The following ZNF436 variants were observed in gnomAD, a reference collection of about 807,000 sequenced individuals.
ZNF436 encodes the protein DNA-binding protein.
In ZNF436, 22 loss-of-function variants were observed where a neutral mutation model predicts 41.9. The observed-to-expected ratio is 0.53, with a 90% CI of 0.38 to 0.75. The LOEUF (loss-of-function observed/expected upper bound fraction) is 0.75, where lower values mean the gene tolerates loss of function less well. ZNF436 is among the 30% of genes least tolerant of loss of function. The pLI is 0.00. For synonymous variants in ZNF436, 217 were observed against 197.8 expected (o/e 1.10, Z -0.82); for missense variants, 506 against 587.3 (o/e 0.86, Z 1.43).
chr1:23,367,528 T>C (rs588641), intron 2 of ZNF436, among the ~76,000 whole-genome samples: 142,891 of 152,254 alleles, frequency 0.94, 67,125 homozygotes, highest in African/African-American at 0.96. Context: ...GCTGCAGTAC[T>C]AACTGTTCTT....
At position 23,362,255 on chromosome 1, in the gene ZNF436, T is replaced by C; in HGVS notation, c.1127A>G (p.His376Arg). ...ACGKSFSRSS[H>R]LITHQKIHTG... ...GTGAATTTTCTGGTGTGTGATGAGA[T>C]GAGAGCTCCGGCTGAAGCTTTTCCC... Residue 376 changes from histidine to arginine, a missense_variant, in exon 4 of 4, where the codon CAT becomes CGT. Transcript: ENST00000314011. 2 of 1,614,254 alleles carry C rather than the reference T, an allele frequency of 1.2e-6. No individual in the cohort carries two copies. Among genetic ancestry groups the C allele is most frequent in the Non-Finnish European group, 1.7e-6 (2 of 1,180,036 alleles).
Position 23,363,179 on chromosome 1 carries a change from T to C in ZNF436, c.203A>G (p.Glu68Gly). The C allele has an allele frequency of 6.2e-7, 1 of 1,613,840 alleles. No homozygotes were observed. The highest frequency in any genetic ancestry group is 8.5e-7 in the Non-Finnish European group (1 of 1,179,994). ...CCCAAATTGTACATCTTCACTAATC[T>C]CTTGCTTGGGATTTACCTCGTTCTC... ...RSENEVNPKQ[E>G]ISEDVQFGTT... The change falls in exon 4 of 4, where the codon GAG (glutamate) becomes GGG (glycine). Residue 68 changes from glutamate (E) to glycine (G), a missense_variant. By Grantham distance (98) the Glu-to-Gly change is moderately conservative (BLOSUM62 -2). Transcript: ENST00000314011.
rs1162092614 is a variant in ZNF436, at chr1:23,362,153, C to T, written c.1229G>A (p.Arg410Lys). 1 of 1,614,086 alleles carries T rather than the reference C, an allele frequency of 6.2e-7. No individual in the cohort carries two copies. Among genetic ancestry groups the T allele is most frequent in the Non-Finnish European group, 8.5e-7 (1 of 1,180,024 alleles). The change falls in exon 4 of 4, where the codon AGA (arginine) becomes AAA (lysine). Residue 410 changes from arginine (R) to lysine (K), a missense_variant. Arg to Lys is a conservative substitution (Grantham distance 26, BLOSUM62 2). Around this residue, in one of 2 missense-constraint regions of ZNF436, gnomAD observed 278 missense variants for 372.1 expected, o/e 0.75. Transcript: ENST00000314011. ...GTAGGGCTTCTCCCCTGTGTGGGTT[C>T]TCTGATGTTTAATTAGATCTGACCT... The part of the protein sequence containing the change: ...GERSDLIKHQ[R>K]THTGEKPYEC...
chr1:23,363,272 G>A, intron 3 of ZNF436, 51 bp from the exon 4 acceptor site: 2 of 1,510,164 alleles, frequency 1.3e-6, no homozygotes, highest in Non-Finnish European at 8.9e-7. Flanking sequence ...ATTACCTATT[G>A]TGTGCCAGGC....
Position 23,361,833 on chromosome 1 carries a change from G to T in ZNF436, c.*136C>A. 1.1e-6 allele frequency: 1 copy of T among 905,860 alleles called. No individual in the cohort carries two copies. Among genetic ancestry groups the T allele is most frequent in the Non-Finnish European group, 1.6e-6 (1 of 626,048 alleles). The allele number at this position is 905,860 out of a possible 1,614,324, so 56.1% of individuals were successfully genotyped here. A position where few individuals can be genotyped will look rare whatever the true frequency, so the allele number is the denominator to read the frequency against. ...TGAGGGTCAGAATTTCAAATGGCTT[G>T]TCATCTCTGATGGTTTAAATCGTGG... On this transcript the variant is annotated 3_prime_UTR_variant, in exon 4 of 4. Transcript: ENST00000314011.
In ZNF436 at chr1:23,367,975, G is replaced by T. The variant is rs757043664; in HGVS notation, c.31C>A (p.Gln11Lys). MAATLLMAGS[Q>K]APVTFEDMAM... ...CTGAGAAGCCACCTCCGGCTTACCT[G>T]GGACCCAGCCATGAGCAGGGTGGCT... Residue 11 changes from glutamine to lysine, a missense_variant and splice_region_variant, in exon 2 of 4, where the codon CAG becomes AAG. This residue lies in a region of ZNF436 where 228 missense variants were observed against 215.1 expected (regional missense o/e 1.06). Coordinates refer to ENST00000314011, the MANE Select transcript of ZNF436 (RefSeq NM_001077195.2). 6.2e-6 allele frequency: 10 copies of T among 1,614,110 alleles called. No individual in the cohort carries two copies. Among genetic ancestry groups the T allele is most frequent in the Non-Finnish European group, 8.5e-6 (10 of 1,180,020 alleles).
At position 23,368,043 on chromosome 1, in the gene ZNF436, G is replaced by A. The variant is rs1279862533; in HGVS notation, c.-38C>T. 1.2e-6 allele frequency: 2 copies of A among 1,613,492 alleles called. No homozygotes were observed. Among genetic ancestry groups the A allele is most frequent in the African/African-American group, 1.3e-5 (1 of 75,032 alleles). On this transcript the variant is annotated 5_prime_UTR_variant, in exon 2 of 4. Coordinates refer to ENST00000314011, the MANE Select transcript of ZNF436 (RefSeq NM_001077195.2). ...GGTTCGCCTCCAGGGAGAGAGAGCAGGAAAAGCAGCTAGCAGACAGCGCTG... is the reference window on the plus strand; with the variant it reads ...GGTTCGCCTCCAGGGAGAGAGAGCAAGAAAAGCAGCTAGCAGACAGCGCTG...
chr1:23,363,251 T>C, intron 3 of ZNF436, 30 bp from the exon 4 acceptor site: 1 of 1,578,730 alleles, frequency 6.3e-7, no homozygotes, highest in Non-Finnish European at 8.6e-7. Flanking sequence ...ATAAGACTAG[T>C]AAGTACAAAA....
Position 23,361,880 on chromosome 1 carries a change from T to C in ZNF436, c.*89A>G. 1 of 1,368,406 alleles carries C rather than the reference T, an allele frequency of 7.3e-7. No homozygotes were observed. Among genetic ancestry groups the C allele is most frequent in the Non-Finnish European group, 9.9e-7 (1 of 1,013,490 alleles). 84.8% of individuals were successfully genotyped at this position (1,368,406 alleles called of 1,614,324 possible). The stretch of plus-strand genomic sequence containing the variant: ...GTGGCCCACAACTAGGAGAGTATGA[T>C]AAAAGCAGCTCAGTCTTGAGGGCGT... On this transcript the variant is annotated 3_prime_UTR_variant, in exon 4 of 4. Transcript: ENST00000314011.
At chr1:23,364,677 A>C (rs889884888) in intron 3 of ZNF436, among the ~76,000 whole-genome samples, 16 of 152,208 alleles carry the variant, frequency 1.1e-4, no homozygotes, top group Non-Finnish European at 2.1e-4. Context: ...AGAAGGCAAA[A>C]AAGATGTCTG....
chr1:23,365,753 T>A (rs192579622), intron 3 of ZNF436, among the ~76,000 whole-genome samples: 137 of 151,552 alleles, frequency 9.0e-4, no homozygotes, highest in African/African-American at 3.0e-3. Context: ...TAAAATTTTT[T>A]AAAAAATAAA....
intron 3 of ZNF436, among the ~76,000 whole-genome samples, chr1:23,363,756 C>T (rs1359807289): frequency 6.6e-6 from 1 of 152,146 alleles, no homozygotes; most frequent in East Asian, 1.9e-4. Flanking sequence ...GAAAACTATA[C>T]AGGCCAGGTG....
chr1:23,362,203 A>G lies in ZNF436; in HGVS notation c.1179T>C (p.Asn393=), dbSNP rs780628375. 8 of 1,613,408 alleles carry G rather than the reference A, an allele frequency of 5.0e-6. No individual in the cohort carries two copies. In the South Asian group the frequency reaches 6.6e-5, roughly 13 times the overall value. Residue 393 remains asparagine (N), a synonymous_variant, in exon 4 of 4, where the codon AAT becomes AAC. Coordinates refer to ENST00000314011, the MANE Select transcript of ZNF436 (RefSeq NM_001077195.2). ...IHTGEKPYEC[N]ECWRSFGERS... ...TTTCACCAAAGCTTCGCCAACACTCATTACACTCATAAGGCTTCTCTCCAG... is the reference window on the plus strand; with the variant it reads ...TTTCACCAAAGCTTCGCCAACACTCGTTACACTCATAAGGCTTCTCTCCAG...
In ZNF436 at chr1:23,362,858, A is replaced by C; in HGVS notation, c.524T>G (p.Phe175Cys). ...CTGAATAAGGTGTGAGCTGCGACTG[A>C]AGCCTTTTCCACATTCATAACATTT... Reference protein sequence around the residue: ...PYKCYECGKGFSRSSHLIQHQ... With the variant: ...PYKCYECGKGCSRSSHLIQHQ... The change falls in exon 4 of 4, where the codon TTC becomes TGC. Residue 175 changes from phenylalanine to cysteine, a missense_variant. Physicochemically the swap from Phe to Cys is radical, Grantham distance 205. This residue lies in a region of ZNF436 where 228 missense variants were observed against 215.1 expected (regional missense o/e 1.06). Coordinates refer to ENST00000314011, the MANE Select transcript of ZNF436 (RefSeq NM_001077195.2). The C allele has an allele frequency of 6.2e-7, 1 of 1,614,212 alleles. No homozygotes were observed. The highest frequency in any genetic ancestry group is 8.5e-7 in the Non-Finnish European group (1 of 1,180,038).
In ZNF436 at chr1:23,362,117, T is replaced by C. The variant is rs1638251206; in HGVS notation, c.1265A>G (p.Gln422Arg). 4 of 1,614,074 alleles carry C rather than the reference T, an allele frequency of 2.5e-6. No homozygotes were observed. Among genetic ancestry groups the C allele is most frequent in the Non-Finnish European group, 3.4e-6 (4 of 1,180,040 alleles). ...GCTCTGGGTGAAACCTTTCCCACAC[T>C]GCACACACTCGTAGGGCTTCTCCCC... ...HTGEKPYECV[Q>R]CGKGFTQSSN... The change falls in exon 4 of 4, where the codon CAG becomes CGG. Residue 422 changes from glutamine (Q) to arginine (R), a missense_variant. By Grantham distance (43) the Gln-to-Arg change is conservative. Coordinates refer to ENST00000314011, the MANE Select transcript of ZNF436 (RefSeq NM_001077195.2).
intron 3 of ZNF436, among the ~76,000 whole-genome samples, 178 bp downstream of exon 3, chr1:23,366,864 T>C (rs1638367950): frequency 6.6e-6 from 1 of 152,212 alleles, no homozygotes; most frequent in African/African-American, 2.4e-5. Flanking sequence ...TTTTTTTCTT[T>C]TTAGACAATA....
chr1:23,369,427 G>C lies in ZNF436; in HGVS notation c.-122C>G, dbSNP rs146856628. 86 of 534,652 alleles carry C rather than the reference G, an allele frequency of 1.6e-4. No homozygotes were observed. Among genetic ancestry groups the C allele is most frequent in the African/African-American group, 1.4e-3 (73 of 52,084 alleles). 33.1% of individuals were successfully genotyped at this position (534,652 alleles called of 1,614,324 possible). ...CCAAAACCTGAGAGACCGCGAACGG[G>C]TTCCAGAGCCGCAGCGTTCTCTCAG... On this transcript the variant is annotated 5_prime_UTR_variant, in exon 1 of 4. Transcript: ENST00000314011.
rs536977589 is a variant in ZNF436 at position 23,360,047 on chromosome 1, C to T, written c.*1922G>A. On this transcript the variant is annotated 3_prime_UTR_variant, in exon 4 of 4. Transcript: ENST00000314011. ...GAAAAGACATATTTGAGTTTAGTTA[C>T]CAAGAACATGTGTCACCCGACAATT... 2.2e-4 allele frequency: 33 copies of T among 152,538 alleles called. No homozygotes were observed. The highest frequency in any genetic ancestry group is 7.5e-4 in the African/African-American group (31 of 41,550). 9.4% of individuals were successfully genotyped at this position (152,538 alleles called of 1,614,324 possible). A position where few individuals can be genotyped will look rare whatever the true frequency, so the allele number is the denominator to read the frequency against.
Position 23,360,712 on chromosome 1 carries a change from A to C in ZNF436, c.*1257T>G, listed in dbSNP as rs996610315. On this transcript the variant is annotated 3_prime_UTR_variant, in exon 4 of 4. Transcript: ENST00000314011. ...CAATCGACCTATTTGTCTGGTCATTATCTTCCACAATTGACAAACACATAC... is the reference window on the plus strand; with the variant it reads ...CAATCGACCTATTTGTCTGGTCATTCTCTTCCACAATTGACAAACACATAC... The C allele has an allele frequency of 7.2e-5, 11 of 152,688 alleles. No individual in the cohort carries two copies. Among genetic ancestry groups the C allele is most frequent in the Non-Finnish European group, 1.3e-4 (9 of 68,050 alleles). 9.5% of individuals were successfully genotyped at this position (152,688 alleles called of 1,614,324 possible).
Sources: allele counts gnomAD v4.1 joint callset (sites outside exome capture counted in the v4.1 genomes callset), GRCh38; gene constraint gnomAD v4.1.1; regional missense constraint gnomAD v4.1.1; transcripts MANE v1.5; gene names NCBI Gene and HGNC (gene_info 2026-07-23, HGNC 2026-07-21).